Variants in ZEB1 observed in about 807,000 individuals in gnomAD.
ZEB1 encodes zinc finger E-box binding homeobox 1.
A neutral mutation model predicts 84.9 loss-of-function variants in ZEB1; 21 were observed. The ratio of observed to expected loss-of-function variants is 0.25; its 90% confidence interval spans 0.18 to 0.36. ZEB1 has a LOEUF of 0.36. Among genes scored for constraint, ZEB1 ranks in the 10% least tolerant of loss-of-function variants. The pLI, the probability that ZEB1 is intolerant of heterozygous loss-of-function variation, is 1.00. For missense variants in ZEB1, 1,104 were observed against 1,330.2 expected (o/e 0.83, Z 2.65); for synonymous variants, 420 against 471.1 (o/e 0.89, Z 1.41).
intron 1 of ZEB1, among the ~76,000 whole-genome samples, chr10:31,405,994 T>G (rs184416532): frequency 6.6e-6 from 1 of 152,190 alleles, no homozygotes; most frequent in African/African-American, 2.4e-5. Context: ...GTTTCCAACT[T>G]CATCCATGTC....
chr10:31,430,020 C>T (rs1022616272), intron 1 of ZEB1, among the ~76,000 whole-genome samples: 12 of 152,096 alleles, frequency 7.9e-5, no homozygotes, highest in East Asian at 3.9e-4. Flanking sequence ...AGATTACAGG[C>T]GTGAGCCACC....
chr10:31,427,282 CA>C, intron 1 of ZEB1, among the ~76,000 whole-genome samples: 1 of 152,040 alleles, frequency 6.6e-6, no homozygotes, highest in East Asian at 1.9e-4. Flanking sequence ...CCAGGCATGG[CA>C]AAAATAAAAC....
At chr10:31,383,236 A>T (rs1326166028) in intron 1 of ZEB1, among the ~76,000 whole-genome samples, 1 of 152,142 alleles carries the variant, frequency 6.6e-6, no homozygotes, top group Non-Finnish European at 1.5e-5. Flanking sequence ...CTGTGATTGC[A>T]CTATCCAATA....
intron 1 of ZEB1, among the ~76,000 whole-genome samples, chr10:31,409,030 A>G (rs1466847216): frequency 2.6e-5 from 4 of 152,202 alleles, no homozygotes; most frequent in African/African-American, 4.8e-5. Flanking sequence ...ATCTACAATG[A>G]ACTCAAATAA....
At chr10:31,386,809 A>G (rs893073456) in intron 1 of ZEB1, among the ~76,000 whole-genome samples, 4 of 152,152 alleles carry the variant, frequency 2.6e-5, no homozygotes, top group Admixed American at 1.3e-4. Context: ...CTATGTATAT[A>G]TATTTTAAAA....
intron 1 of ZEB1, among the ~76,000 whole-genome samples, chr10:31,409,531 T>C (rs1219750483): frequency 6.6e-6 from 1 of 152,222 alleles, no homozygotes; most frequent in Admixed American, 6.5e-5. Context: ...AAAGTGGTTT[T>C]TTCTAATTCT....
chr10:31,443,357 G>A (rs905687961), intron 1 of ZEB1, among the ~76,000 whole-genome samples: 2 of 150,734 alleles, frequency 1.3e-5, no homozygotes, highest in Non-Finnish European at 1.5e-5. Context: ...TTCATTTCAT[G>A]CTTATAATGG....
chr10:31,384,256 T>C (rs2048241969), intron 1 of ZEB1, among the ~76,000 whole-genome samples: 1 of 151,950 alleles, frequency 6.6e-6, no homozygotes, highest in East Asian at 1.9e-4. Context: ...GATTACAGGC[T>C]TGAGCCACTG....
At chr10:31,319,200 G>T, upstream of ZEB1, 1 of 1,572,002 alleles carries the variant, frequency 6.4e-7, no homozygotes, top group Non-Finnish European at 8.6e-7. Flanking sequence ...AGGGGGAGGA[G>T]GTGACTCGAG....
chr10:31,499,018 C>G (rs1392970118), intron 3 of ZEB1, among the ~76,000 whole-genome samples: 1 of 151,890 alleles, frequency 6.6e-6, no homozygotes, highest in Non-Finnish European at 1.5e-5. Flanking sequence ...CTGAGTTGCT[C>G]AGTTTTTATG....
intron 2 of ZEB1, among the ~76,000 whole-genome samples, chr10:31,472,490 C>G (rs2063416050): frequency 6.6e-6 from 1 of 151,638 alleles, no homozygotes; most frequent in South Asian, 2.1e-4. Flanking sequence ...CACATACACT[C>G]TCCCAAGACT....
chr10:31,453,086 C>A (rs1004978569), intron 1 of ZEB1, among the ~76,000 whole-genome samples: 1 of 152,060 alleles, frequency 6.6e-6, no homozygotes, highest in African/African-American at 2.4e-5. Context: ...GAAAGATTTT[C>A]TCTTTCTTTT....
intron 1 of ZEB1, among the ~76,000 whole-genome samples, chr10:31,350,349 A>T (rs548604643): frequency 2.6e-5 from 4 of 152,260 alleles, no homozygotes; most frequent in Admixed American, 2.6e-4. Flanking sequence ...CACAGATTGG[A>T]CCTGATTATT....
At chr10:31,460,049 A>C (rs2061650693) in intron 1 of ZEB1, among the ~76,000 whole-genome samples, 1 of 152,054 alleles carries the variant, frequency 6.6e-6, no homozygotes, top group African/African-American at 2.4e-5. Context: ...TTTCTTAGCA[A>C]ATAAGAATCA....
chr10:31,445,995 C>A (rs1349758219), intron 1 of ZEB1, among the ~76,000 whole-genome samples: 2 of 131,824 alleles, frequency 1.5e-5, no homozygotes, highest in African/African-American at 5.8e-5. Context: ...GGAATGGTAC[C>A]AGTTCCTCCT....
At chr10:31,452,948 G>T (rs2060786504) in intron 1 of ZEB1, among the ~76,000 whole-genome samples, 1 of 152,060 alleles carries the variant, frequency 6.6e-6, no homozygotes, top group African/African-American at 2.4e-5. Flanking sequence ...TGTTGGCTCT[G>T]TAGAACACAA....
At chr10:31,343,338 A>G (rs933691383) in intron 1 of ZEB1, among the ~76,000 whole-genome samples, 2 of 152,104 alleles carry the variant, frequency 1.3e-5, no homozygotes, top group Non-Finnish European at 2.9e-5. Flanking sequence ...TAAAGTCTCT[A>G]ATTTCTTTTC....
At chr10:31,510,522 T>C in intron 4 of ZEB1, 151 bp from the exon 5 acceptor site, 1 of 660,122 alleles carries the variant, frequency 1.5e-6, no homozygotes, top group East Asian at 2.9e-5. Flanking sequence ...CTCTCTCTTA[T>C]AAAATAGAGA....
intron 1 of ZEB1, among the ~76,000 whole-genome samples, chr10:31,443,645 G>C (rs1262592518): frequency 7.0e-6 from 1 of 143,884 alleles, no homozygotes. Context: ...TCCCACCTAT[G>C]AGTGAGAATA....
Sources: allele counts gnomAD v4.1 joint callset (sites outside exome capture counted in the v4.1 genomes callset), GRCh38; gene constraint gnomAD v4.1.1; transcripts MANE v1.5; gene names NCBI Gene and HGNC (gene_info 2026-07-23, HGNC 2026-07-21).